The following OR2T10 variants were observed in gnomAD, a reference collection of about 807,000 sequenced individuals.
OR2T10 encodes olfactory receptor 2T10.
For synonymous variants in OR2T10, 125 were observed against 141.8 expected (o/e 0.88, Z 0.84); for missense variants, 335 against 382.5 (o/e 0.88, Z 1.04).
rs756900694 is a variant in OR2T10, at chr1:248,593,552, A to G, written c.217T>C (p.Tyr73His). ...ATTTTGGGGACAGTGACAGAAATATATGTCAAGTCTATGAGTGAGAGCTGG... is the reference window on the plus strand; with the variant it reads ...ATTTTGGGGACAGTGACAGAAATATGTGTCAAGTCTATGAGTGAGAGCTGG... ...INQLSLIDLT[Y>H]ISVTVPKMLV... is the part of the protein sequence containing the mutation. Residue 73 changes from tyrosine (Y) to histidine (H), a missense_variant, in exon 2 of 2, where the codon TAT (tyrosine) becomes CAT (histidine). Physicochemically the swap from Tyr to His is moderately conservative, Grantham distance 83 (BLOSUM62 2). Transcript: ENST00000642090. 23 of 1,566,214 alleles carry G rather than the reference A, an allele frequency of 1.5e-5. 2 individuals carry two copies. In the South Asian group the frequency reaches 2.5e-4, roughly 17 times the overall value.
intron 1 of OR2T10, chr1:248,595,105 CCTGG>C (rs1336252046): frequency 1.4e-5 from 2 of 143,138 alleles, no homozygotes; most frequent in Non-Finnish European, 3.0e-5. Flanking sequence ...TCTTCTTCTA[CCTGG>C]CTATTTTGGG....
intron 1 of OR2T10, among the ~76,000 whole-genome samples, chr1:248,596,708 C>A (rs1303737523): frequency 7.0e-5 from 10 of 143,578 alleles, no homozygotes; most frequent in African/African-American, 2.7e-4. Context: ...CAAAATGAAA[C>A]CTTTATGACA....
chr1:248,595,386 ATTT>A (rs2103089206), intron 1 of OR2T10, among the ~76,000 whole-genome samples: 1 of 143,332 alleles, frequency 7.0e-6, no homozygotes, highest in African/African-American at 2.7e-5. Context: ...TACACTTTAT[ATTT>A]TTTATCATTA....
rs1365849776 is a variant in OR2T10, at chr1:248,590,968, A to T, written c.*1862T>A. ...TTTGTCATTTTTGCTTATATTTCTG[A>T]GTTTACTTTTGAGATAATTTTTCTA... On this transcript the variant is annotated 3_prime_UTR_variant, in exon 2 of 2. Transcript: ENST00000642090. The T allele has an allele frequency of 7.0e-6, 1 of 143,252 alleles. No individual in the cohort carries two copies. Among genetic ancestry groups the T allele is most frequent in the Non-Finnish European group, 1.5e-5 (1 of 66,216 alleles). 8.9% of individuals were successfully genotyped at this position (143,252 alleles called of 1,614,324 possible). A position where few individuals can be genotyped will look rare whatever the true frequency, so the allele number is the denominator to read the frequency against.
At position 248,593,700 on chromosome 1, in the gene OR2T10, G is replaced by T; in HGVS notation, c.69C>A (p.His23Gln). The change falls in exon 2 of 2, where the codon CAC becomes CAA. Residue 23 changes from histidine (H) to glutamine (Q), a missense_variant. By Grantham distance (24) the His-to-Gln change is conservative. Transcript: ENST00000642090. ...FLLGIFSQIS[H>Q]PGRLCLLIFS... ...AGATAAGCAAGCAGAGGCGGCCAGG[G>T]TGTGAGATCTGGCTGAAGATTCCCA... 2 of 1,564,574 alleles carry T rather than the reference G, an allele frequency of 1.3e-6. No homozygotes were observed. The highest frequency in any genetic ancestry group is 2.3e-5 in the South Asian group (2 of 88,636).
chr1:248,593,001 A>G lies in OR2T10; in HGVS notation c.768T>C (p.Ile256=). ...AGGAGCTGGGGAGCATGTAGTTGTA[A>G]ATAGCAGCTCCATAGAAGAGGCTGA... ...TVVSLFYGAA[I]YNYMLPSSYQ... is the part of the protein sequence containing the mutation. The change falls in exon 2 of 2, where the codon ATT becomes ATC. Residue 256 remains isoleucine, a synonymous_variant. Transcript: ENST00000642090. 1 of 1,572,928 alleles carries G rather than the reference A, an allele frequency of 6.4e-7. No individual in the cohort carries two copies. The highest frequency in any genetic ancestry group is 1.1e-5 in the South Asian group (1 of 88,874).
chr1:248,592,710 C>T lies in OR2T10; in HGVS notation c.*120G>A, dbSNP rs1572088275. On this transcript the variant is annotated 3_prime_UTR_variant, in exon 2 of 2. Coordinates refer to ENST00000642090, the MANE Select transcript of OR2T10 (RefSeq NM_001004693.2). ...GGAGGGAAGAACACTGGGCTGAATC[C>T]CCCTGAAGGACAACTCAGGGAGTCA... is the stretch of plus-strand genomic sequence containing the variant. 6 of 600,626 alleles carry T rather than the reference C, an allele frequency of 1.0e-5. No homozygotes were observed. The highest frequency in any genetic ancestry group is 1.4e-5 in the Non-Finnish European group (5 of 348,622). 37.2% of individuals were successfully genotyped at this position (600,626 alleles called of 1,614,324 possible).
Position 248,592,730 on chromosome 1 carries a change from G to A in OR2T10, c.*100C>T. On this transcript the variant is annotated 3_prime_UTR_variant, in exon 2 of 2. Transcript: ENST00000642090. ...GAATCCCCCTGAAGGACAACTCAGGGAGTCAGACACTACCACAATATGCTG... is the reference window on the plus strand; with the variant it reads ...GAATCCCCCTGAAGGACAACTCAGGAAGTCAGACACTACCACAATATGCTG... 2 of 694,868 alleles carry A rather than the reference G, an allele frequency of 2.9e-6. 1 individual carries two copies. Among genetic ancestry groups the A allele is most frequent in the East Asian group, 5.5e-5 (2 of 36,372 alleles). The allele number at this position is 694,868 out of a possible 1,614,324, so 43.0% of individuals were successfully genotyped here. A position where few individuals can be genotyped will look rare whatever the true frequency, so the allele number is the denominator to read the frequency against.
At position 248,593,226 on chromosome 1, in the gene OR2T10, G is replaced by GA; in HGVS notation, c.542dup (p.Ala183CysfsTer45). ...AGCAAGAGAGCTTCAAAACAGCAGG[G>GA]ACCTCACAGAAGAAGTGCTGAATCT... On this transcript the variant is annotated frameshift_variant, in exon 2 of 2. Transcript: ENST00000642090. LOFTEE classifies it low-confidence loss of function (END_TRUNC). 2 of 1,573,482 alleles carry GA rather than the reference G, an allele frequency of 1.3e-6. 1 individual carries two copies. The highest frequency in any genetic ancestry group is 1.7e-6 in the Non-Finnish European group (2 of 1,156,944).
rs555488965 is a variant in OR2T10 at position 248,592,232 on chromosome 1, C to T, written c.*598G>A. On this transcript the variant is annotated 3_prime_UTR_variant, in exon 2 of 2. Coordinates refer to ENST00000642090, the MANE Select transcript of OR2T10 (RefSeq NM_001004693.2). ...CTAGAAATTCTGATGGAAGAAAAAT[C>T]TCAACTGTACATTTAGCATCTCTGA... 1 of 143,934 alleles carries T rather than the reference C, an allele frequency of 6.9e-6. No individual in the cohort carries two copies. Among genetic ancestry groups the T allele is most frequent in the Non-Finnish European group, 1.5e-5 (1 of 66,374 alleles). The allele number at this position is 143,934 out of a possible 1,614,324, so 8.9% of individuals were successfully genotyped here.
At chr1:248,596,587 T>C (rs1349478079) in intron 1 of OR2T10, among the ~76,000 whole-genome samples, 1 of 143,496 alleles carries the variant, frequency 7.0e-6, no homozygotes, top group African/African-American at 2.7e-5. Flanking sequence ...AATTAATTTA[T>C]CCACTTCTAG....
In OR2T10 at chr1:248,591,930, T is replaced by C. The variant is rs2103087521; in HGVS notation, c.*900A>G. Reference sequence around the variant, plus strand: ...AGATCATAATAATCACACAAGACGTTATAATTATTATGTTATTTGTTAAAT... The same window carrying C: ...AGATCATAATAATCACACAAGACGTCATAATTATTATGTTATTTGTTAAAT... On this transcript the variant is annotated 3_prime_UTR_variant, in exon 2 of 2. Transcript: ENST00000642090. The C allele has an allele frequency of 2.0e-5, 1 of 51,182 alleles. No homozygotes were observed. Among genetic ancestry groups the C allele is most frequent in the East Asian group, 3.1e-4 (1 of 3,178 alleles). The allele number at this position is 51,182 out of a possible 1,614,324, so 3.2% of individuals were successfully genotyped here.
Position 248,593,087 on chromosome 1 carries a change from T to C in OR2T10, c.682A>G (p.Met228Val), listed in dbSNP as rs1397266433. 5 of 1,572,526 alleles carry C rather than the reference T, an allele frequency of 3.2e-6. 1 individual carries two copies. Among genetic ancestry groups the C allele is most frequent in the East Asian group, 4.6e-5 (2 of 43,640 alleles). ...YYYIILTIHK[M>V]NSVEGRKKAF... ...TTTTTCCGACCCTCAACTGAGTTCATCTTATGGATGGTGAGGATGATATAG... is the reference window on the plus strand; with the variant it reads ...TTTTTCCGACCCTCAACTGAGTTCACCTTATGGATGGTGAGGATGATATAG... The change falls in exon 2 of 2, where the codon ATG (methionine) becomes GTG (valine). Residue 228 changes from methionine to valine, a missense_variant. Met to Val is a conservative substitution (Grantham distance 21, BLOSUM62 1). Coordinates refer to ENST00000642090, the MANE Select transcript of OR2T10 (RefSeq NM_001004693.2).
intron 1 of OR2T10, among the ~76,000 whole-genome samples, chr1:248,594,539 C>T (rs1415735541): frequency 7.0e-6 from 1 of 142,926 alleles, no homozygotes; most frequent in Non-Finnish European, 1.5e-5. Flanking sequence ...TAATTTCCAT[C>T]AAGATGTTCT....
At position 248,593,342 on chromosome 1, in the gene OR2T10, G is replaced by A; in HGVS notation, c.427C>T (p.Leu143Phe). Residue 143 changes from leucine (L) to phenylalanine (F), a missense_variant, in exon 2 of 2, where the codon CTC becomes TTC. Physicochemically the swap from Leu to Phe is conservative, Grantham distance 22. Coordinates refer to ENST00000642090, the MANE Select transcript of OR2T10 (RefSeq NM_001004693.2). ...SVLMSHRVCL[L>F]LASGCWFVGS... is the part of the protein sequence containing the mutation. ...ACAAACCAGCAGCCTGATGCCAGGA[G>A]GAGACATACCCTATGGCTCATGAGC... 6.4e-7 allele frequency: 1 copy of A among 1,573,448 alleles called. No individual in the cohort carries two copies. Among genetic ancestry groups the A allele is most frequent in the Non-Finnish European group, 8.6e-7 (1 of 1,157,078 alleles).
intron 1 of OR2T10, among the ~76,000 whole-genome samples, chr1:248,594,114 C>T (rs1275068588): frequency 7.0e-6 from 1 of 142,730 alleles, no homozygotes; most frequent in Admixed American, 6.8e-5. Flanking sequence ...CTTATAGTTG[C>T]ATGTTCCTGT....
At chr1:248,596,373 A>G (rs1660090537) in intron 1 of OR2T10, among the ~76,000 whole-genome samples, 1 of 143,056 alleles carries the variant, frequency 7.0e-6, no homozygotes, top group Admixed American at 6.8e-5. Flanking sequence ...GGTGGTTTAC[A>G]ATGAGTATAA....
rs1281423555 is a variant in OR2T10 at position 248,593,353 on chromosome 1, C to G, written c.416G>C (p.Arg139Thr). ...PLRYSVLMSH[R>T]VCLLLASGCW... The stretch of plus-strand genomic sequence containing the variant: ...GCCTGATGCCAGGAGGAGACATACC[C>G]TATGGCTCATGAGCACAGAGTAACG... The change falls in exon 2 of 2, where the codon AGG (arginine) becomes ACG (threonine). Residue 139 changes from arginine to threonine, a missense_variant. Transcript: ENST00000642090. 1.3e-6 allele frequency: 2 copies of G among 1,573,220 alleles called. No individual in the cohort carries two copies. The highest frequency in any genetic ancestry group is 3.4e-5 in the Admixed American group (2 of 58,372).
intron 1 of OR2T10, 75 bp downstream of exon 1, chr1:248,597,415 TTA>T (rs1660108735): frequency 4.2e-5 from 6 of 143,088 alleles, no homozygotes; most frequent in African/African-American, 1.6e-4. Flanking sequence ...ACATTGGTGA[TTA>T]ATATCAATTG....
Sources: gnomAD v4.1 joint callset for allele counts (sites outside exome capture counted in the v4.1 genomes callset) on GRCh38, gnomAD v4.1.1 for gene constraint, MANE v1.5 for transcripts, NCBI Gene and HGNC (gene_info 2026-07-23, HGNC 2026-07-21) for gene names.